SCFD2: variants seen among roughly 807,000 people sequenced by gnomAD.
The protein encoded by SCFD2 is sec1 family domain containing 2, also known as sec1 family domain-containing protein 2.
In SCFD2, 54 loss-of-function variants were observed where a neutral mutation model predicts 58.9. The observed-to-expected ratio is 0.92, with a 90% CI of 0.74 to 1.15. SCFD2 has a LOEUF of 1.15. SCFD2 is among the 50% of genes most tolerant of loss of function. The pLI is 0.00. For missense variants in SCFD2, 805 were observed against 836.6 expected, an observed-to-expected ratio of 0.96 and a Z score of 0.47; for synonymous variants, 321 against 335.9, an observed-to-expected ratio of 0.96 and a Z score of 0.49.
At position 53,113,232 on chromosome 4, in the gene SCFD2, T is replaced by G. The variant is rs1193787363; in HGVS notation, c.1561+32101A>C. Among the ~76,000 whole-genome samples the G allele has an allele frequency of 3.3e-5, 5 of 152,208 alleles. No individual in the cohort carries two copies. In the East Asian group the frequency reaches 9.7e-4, roughly 29 times the overall value. ...CCTCAAATATTTCTGGTTTTCTTCT[T>G]TCAGACACGGTAGGACTGCACTTTT... On this transcript the variant is annotated intron_variant, in intron 5 of 8. Transcript: ENST00000401642.
intron 4 of SCFD2, among the ~76,000 whole-genome samples, chr4:53,259,124 T>C (rs1730749237): frequency 6.6e-6 from 1 of 152,338 alleles, no homozygotes; most frequent in East Asian, 1.9e-4. Context: ...TATTACTTCT[T>C]AGTCAGATGT....
chr4:53,237,496 C>T (rs1217413162), intron 4 of SCFD2, among the ~76,000 whole-genome samples: 1 of 65,844 alleles, frequency 1.5e-5, no homozygotes, highest in Non-Finnish European at 2.8e-5. Context: ...CCCTCCCGGA[C>T]GGGCGGCTGG....
chr4:53,187,184 A>C (rs7672997), intron 4 of SCFD2, among the ~76,000 whole-genome samples: 1 of 151,816 alleles, frequency 6.6e-6, no homozygotes, highest in Non-Finnish European at 1.5e-5. Flanking sequence ...TAATATATAC[A>C]AATGAGAAAA....
intron 7 of SCFD2, among the ~76,000 whole-genome samples, chr4:52,904,706 A>G (rs1004696560): frequency 6.6e-6 from 1 of 152,246 alleles, no homozygotes; most frequent in Non-Finnish European, 1.5e-5. Context: ...ACCAGAAAGA[A>G]TAACATATGA....
chr4:53,106,188 G>T (rs914136115), intron 5 of SCFD2, among the ~76,000 whole-genome samples: 2 of 152,126 alleles, frequency 1.3e-5, no homozygotes, highest in Non-Finnish European at 1.5e-5. Context: ...CAACAAAAAG[G>T]ATGTCCACAC....
chr4:52,883,801 T>G (rs1284007263), intron 8 of SCFD2, among the ~76,000 whole-genome samples: 1 of 152,168 alleles, frequency 6.6e-6, no homozygotes, highest in African/African-American at 2.4e-5. Flanking sequence ...GGGTGTTAAA[T>G]GAAACAGAAT....
intron 5 of SCFD2, among the ~76,000 whole-genome samples, chr4:53,050,552 G>T (rs941531247): frequency 6.6e-6 from 1 of 152,178 alleles, no homozygotes; most frequent in Non-Finnish European, 1.5e-5. Context: ...GCACACAGTG[G>T]TGGGAGGCTA....
chr4:53,175,071 TG>T (rs1727289292), intron 4 of SCFD2, among the ~76,000 whole-genome samples: 1 of 152,154 alleles, frequency 6.6e-6, no homozygotes, highest in Admixed American at 6.5e-5. Context: ...CCCCCCACAA[TG>T]GCTGCATACT....
intron 7 of SCFD2, among the ~76,000 whole-genome samples, chr4:52,886,183 C>T (rs143950095): frequency 3.3e-4 from 50 of 152,340 alleles, no homozygotes; most frequent in African/African-American, 1.0e-3. Flanking sequence ...TTTGTTTACA[C>T]TGTCATGTCC....
intron 4 of SCFD2, among the ~76,000 whole-genome samples, chr4:53,166,044 T>C (rs148030745): frequency 1.8e-3 from 274 of 152,370 alleles, no homozygotes; most frequent in African/African-American, 5.7e-3. Context: ...CTTTAGTGTC[T>C]GGCCTACGTT....
At chr4:53,126,847 T>C (rs1725643843) in intron 5 of SCFD2, among the ~76,000 whole-genome samples, 1 of 152,128 alleles carries the variant, frequency 6.6e-6, no homozygotes, top group Non-Finnish European at 1.5e-5. Context: ...ATTTGGCCTG[T>C]TTCATTCCTA....
chr4:52,881,877 T>G (rs1297752192), intron 8 of SCFD2, among the ~76,000 whole-genome samples: 1 of 152,166 alleles, frequency 6.6e-6, no homozygotes, highest in African/African-American at 2.4e-5. Flanking sequence ...TGGCAGACTC[T>G]GTTTGTGGTG....
At chr4:53,249,200 G>GT (rs1730248868) in intron 4 of SCFD2, among the ~76,000 whole-genome samples, 1 of 152,122 alleles carries the variant, frequency 6.6e-6, no homozygotes, top group South Asian at 2.1e-4. Context: ...GGAAGAAAGG[G>GT]TATCAGTGAT....
At chr4:53,035,026 G>A (rs564208700) in intron 5 of SCFD2, among the ~76,000 whole-genome samples, 1 of 152,140 alleles carries the variant, frequency 6.6e-6, no homozygotes, top group Non-Finnish European at 1.5e-5. Flanking sequence ...AGACAATTCT[G>A]GGCAAGAAGA....
chr4:53,139,093 G>A (rs1408337510), intron 5 of SCFD2, among the ~76,000 whole-genome samples: 1 of 152,198 alleles, frequency 6.6e-6, no homozygotes, highest in African/African-American at 2.4e-5. Flanking sequence ...CTGGTCTCCA[G>A]CTCCTGACCG....
At chr4:53,034,339 T>C (rs1722701676) in intron 5 of SCFD2, among the ~76,000 whole-genome samples, 1 of 152,144 alleles carries the variant, frequency 6.6e-6, no homozygotes, top group Non-Finnish European at 1.5e-5. Context: ...TACTAAGAGC[T>C]ATTTATGACA....
chr4:53,309,530 G>A (rs1156287316), intron 3 of SCFD2, among the ~76,000 whole-genome samples: 3 of 152,172 alleles, frequency 2.0e-5, no homozygotes, highest in African/African-American at 4.8e-5. Flanking sequence ...TGTTGGCGGT[G>A]CAGGGAGGAG....
chr4:53,327,885 C>A (rs1733259924), intron 2 of SCFD2, among the ~76,000 whole-genome samples: 1 of 152,234 alleles, frequency 6.6e-6, no homozygotes, highest in South Asian at 2.1e-4. Flanking sequence ...AGTGGCCTCA[C>A]TTTGGGAGGC....
intron 4 of SCFD2, among the ~76,000 whole-genome samples, chr4:53,252,691 G>C (rs1406263435): frequency 6.6e-6 from 1 of 152,126 alleles, no homozygotes. Flanking sequence ...TATGTAGAAA[G>C]CTGAAACTGG....
Sources: gnomAD v4.1 joint callset for allele counts (sites outside exome capture counted in the v4.1 genomes callset) on GRCh38, gnomAD v4.1.1 for gene constraint, MANE v1.5 for transcripts, NCBI Gene and HGNC (gene_info 2026-07-23, HGNC 2026-07-21) for gene names.